Variants in TRIQK observed in about 807,000 individuals in gnomAD.
The protein encoded by TRIQK is triple QxxK/R motif containing.
A neutral mutation model predicts 10.8 loss-of-function variants in TRIQK; 10 were observed. That is an observed-to-expected ratio of 0.92 (90% confidence interval 0.57 to 1.57). The LOEUF (loss-of-function observed/expected upper bound fraction) is 1.57. Ranked by LOEUF, TRIQK falls within the 40% of genes most tolerant of loss-of-function variation. TRIQK has a pLI of 0.00. For synonymous variants in TRIQK, 33 were observed against 33.7 expected (o/e 0.98, Z 0.07); for missense variants, 107 against 97.7 (o/e 1.09, Z -0.40).
At position 93,012,289 on chromosome 8, in the gene TRIQK, G is replaced by T. The variant is rs543367033; in HGVS notation, c.-181+5320C>A. On this transcript the variant is annotated intron_variant, in intron 1 of 4. Transcript: ENST00000520686. ...AACATTCTGTCTTTTCTTTGTGCTG[G>T]GAAACATCATACATTTAACCAAATA... 1.2e-3 allele frequency among the ~76,000 whole-genome samples: 187 copies of T among 152,082 alleles called. 1 individual carries two copies. The highest frequency in any genetic ancestry group is 4.2e-3 in the African/African-American group (173 of 41,468).
chr8:92,917,305 T>A (rs192674441), intron 2 of TRIQK, among the ~76,000 whole-genome samples: 30 of 152,148 alleles, frequency 2.0e-4, no homozygotes, highest in Non-Finnish European at 3.2e-4. Context: ...ATGAAAATCA[T>A]GTAGTATTTA....
chr8:92,947,577 T>A (rs1364154775), intron 2 of TRIQK, among the ~76,000 whole-genome samples: 2 of 79,310 alleles, frequency 2.5e-5, no homozygotes, highest in East Asian at 7.3e-4. Context: ...AGAGTGAAAC[T>A]CCGCCTCAGG....
At chr8:92,963,101 T>A (rs940743391) in intron 1 of TRIQK, among the ~76,000 whole-genome samples, 2 of 152,198 alleles carry the variant, frequency 1.3e-5, no homozygotes, top group African/African-American at 4.8e-5. Flanking sequence ...GCCATTTGTC[T>A]TTATCCCTGT....
chr8:92,989,366 G>T (rs1813072946), intron 1 of TRIQK, among the ~76,000 whole-genome samples: 1 of 152,136 alleles, frequency 6.6e-6, no homozygotes, highest in South Asian at 2.1e-4. Flanking sequence ...TGCACAGCAG[G>T]AGGTGAGCAA....
chr8:92,909,295 C>T (rs1267592029), intron 3 of TRIQK, among the ~76,000 whole-genome samples: 1 of 151,808 alleles, frequency 6.6e-6, no homozygotes, highest in East Asian at 1.9e-4. Flanking sequence ...CAGAAATAAT[C>T]CAGGAGATTA....
At chr8:92,898,383 T>G (rs902206150) in intron 3 of TRIQK, among the ~76,000 whole-genome samples, 2 of 152,142 alleles carry the variant, frequency 1.3e-5, no homozygotes, top group Non-Finnish European at 2.9e-5. Context: ...AAAATGGCAT[T>G]AAGGCAAGTT....
At chr8:92,996,268 C>T (rs1353862748) in intron 1 of TRIQK, among the ~76,000 whole-genome samples, 1 of 152,008 alleles carries the variant, frequency 6.6e-6, no homozygotes, top group Non-Finnish European at 1.5e-5. Flanking sequence ...TCTATTCTTT[C>T]AAAATAGTTT....
intron 1 of TRIQK, among the ~76,000 whole-genome samples, chr8:93,001,270 G>A (rs10217034): frequency 0.12 from 18,372 of 147,392 alleles, 1,159 homozygotes; most frequent in East Asian, 0.19. Context: ...TTGCACCACT[G>A]CACCCCAGCC....
intron 1 of TRIQK, among the ~76,000 whole-genome samples, chr8:92,993,879 T>A (rs989385843): frequency 2.0e-5 from 3 of 152,186 alleles, no homozygotes; most frequent in African/African-American, 7.2e-5. Context: ...AGGTTTGTTA[T>A]TTTCCTTATT....
chr8:92,941,767 A>C (rs191680355), intron 2 of TRIQK, among the ~76,000 whole-genome samples: 3 of 152,350 alleles, frequency 2.0e-5, no homozygotes, highest in Admixed American at 2.0e-4. Context: ...TGAAATCACA[A>C]AAATGCAAAA....
intron 3 of TRIQK, among the ~76,000 whole-genome samples, chr8:92,899,573 G>A (rs919663495): frequency 2.0e-5 from 3 of 152,090 alleles, no homozygotes; most frequent in African/African-American, 7.2e-5. Flanking sequence ...TGTCGCAAAT[G>A]ACAGGATCTC....
At chr8:93,004,325 TCTGAGCTGTACCTTGATC>T (rs1199782494) in intron 1 of TRIQK, among the ~76,000 whole-genome samples, 2 of 152,204 alleles carry the variant, frequency 1.3e-5, no homozygotes, top group Admixed American at 6.5e-5. Flanking sequence ...ACAGCCATGA[TCTGAGCTGTACCTTGATC>T]CCTTTTAGCC....
At chr8:93,007,116 G>C (rs1385831220) in intron 1 of TRIQK, among the ~76,000 whole-genome samples, 1 of 140,456 alleles carries the variant, frequency 7.1e-6, no homozygotes, top group Non-Finnish European at 1.5e-5. Context: ...CATCAGGTTG[G>C]TGCCCCTGTG....
chr8:92,950,892 CCCT>C (rs1278875593), intron 2 of TRIQK, among the ~76,000 whole-genome samples: 1 of 152,002 alleles, frequency 6.6e-6, no homozygotes, highest in Non-Finnish European at 1.5e-5. Context: ...ATACAGGTCT[CCCT>C]CCATAGCCAT....
intron 2 of TRIQK, among the ~76,000 whole-genome samples, chr8:92,931,108 C>A (rs1810700966): frequency 1.3e-5 from 2 of 152,044 alleles, no homozygotes; most frequent in Non-Finnish European, 2.9e-5. Flanking sequence ...GCAAAAAAGA[C>A]ACTGCCTTTA....
At chr8:92,943,709 C>T (rs1811384631) in intron 2 of TRIQK, among the ~76,000 whole-genome samples, 2 of 152,026 alleles carry the variant, frequency 1.3e-5, no homozygotes, top group Admixed American at 6.6e-5. Context: ...AGACCTGAAA[C>T]AATAAAACTG....
rs1022575824 is a variant in TRIQK at position 92,894,371 on chromosome 8, A to G, written c.62-2297T>C. ...CAACATTTAAATATTTATGGCTTCA[A>G]GAAAGATACCTATGCCCACATGATT... On this transcript the variant is annotated intron_variant, in intron 3 of 4. Transcript: ENST00000521988. Among the ~76,000 whole-genome samples, 29 of 152,262 alleles carry G rather than the reference A, an allele frequency of 1.9e-4. 1 individual carries two copies. The highest frequency in any genetic ancestry group is 1.6e-3 in the Admixed American group (24 of 15,274).
Position 93,011,179 on chromosome 8 carries a change from TACAC to T in TRIQK, c.-181+6426_-181+6429del, listed in dbSNP as rs553408139. Reference sequence around the variant, plus strand: ...GAATGTGTGTGTGTATACACATACATACACACACACACACACACACACACACATA... The same window carrying T: ...GAATGTGTGTGTGTATACACATACATACACACACACACACACACACACATA... On this transcript the variant is annotated intron_variant, in intron 1 of 4. Transcript: ENST00000520686. Among the ~76,000 whole-genome samples the T allele has an allele frequency of 3.3e-3, 462 of 138,820 alleles. 8 individuals carry two copies. The highest frequency in any genetic ancestry group is 0.026 in the Admixed American group (358 of 13,866). 91.1% of individuals were successfully genotyped at this position (138,820 alleles called of 152,430 possible). A position where few individuals can be genotyped will look rare whatever the true frequency, so the allele number is the denominator to read the frequency against.
intron 1 of TRIQK, among the ~76,000 whole-genome samples, chr8:93,017,350 T>G (rs887215104): frequency 1.3e-5 from 2 of 152,136 alleles, no homozygotes; most frequent in Non-Finnish European, 2.9e-5. Flanking sequence ...ATCACCTCTA[T>G]TATGATCAGG....
Sources: gnomAD v4.1 joint callset for allele counts (sites outside exome capture counted in the v4.1 genomes callset) on GRCh38, gnomAD v4.1.1 for gene constraint, MANE v1.5 for transcripts, NCBI Gene and HGNC (gene_info 2026-07-23, HGNC 2026-07-21) for gene names.